Variants in HNRNPK observed in about 807,000 individuals in gnomAD.
The protein encoded by HNRNPK is heterogeneous nuclear ribonucleoprotein K.
Under a neutral mutation model 67.0 loss-of-function variants are expected in HNRNPK, and 7 were observed. The observed-to-expected ratio is 0.10, with a 90% CI of 0.06 to 0.20. The LOEUF (loss-of-function observed/expected upper bound fraction) is 0.20, where lower values mean the gene tolerates loss of function less well. Ranked by LOEUF, HNRNPK falls within the 10% of genes least tolerant of loss-of-function variation. The pLI, the probability that HNRNPK is intolerant of heterozygous loss-of-function variation, is 1.00. For missense variants in HNRNPK, 264 were observed against 606.5 expected, an observed-to-expected ratio of 0.44 and a Z score of 5.93; for synonymous variants, 213 against 193.7, an observed-to-expected ratio of 1.10 and a Z score of -0.83.
chr9:83,969,604 T>G, intron 16 of HNRNPK, 164 bp from the exon 17 acceptor site: 1 of 629,002 alleles, frequency 1.6e-6, no homozygotes, highest in Non-Finnish European at 2.9e-6. Flanking sequence ...ATGTTAAGTG[T>G]CAAGAAAAAT....
In HNRNPK at chr9:83,972,847, A is replaced by G. The variant is rs1202941838; in HGVS notation, c.642T>C (p.Ser214=). ...ECIKIILDLI[S]ESPIKGRAQP... ...AACAAAAAGTGTTCTGAAGTACCTC[A>G]GATATAAGATCAAGGATGATCTTTA... is the stretch of plus-strand genomic sequence containing the variant. Residue 214 remains serine (S), a synonymous_variant, in exon 10 of 17, where the codon TCT becomes TCC. Transcript: ENST00000376263. 53 of 1,593,470 alleles carry G rather than the reference A, an allele frequency of 3.3e-5. No homozygotes were observed. The highest frequency in any genetic ancestry group is 3.7e-5 in the Non-Finnish European group (44 of 1,173,502).
rs888043496 is a variant in HNRNPK at position 83,968,540 on chromosome 9, G to C, written c.*867C>G. 6.6e-6 allele frequency: 1 copy of C among 152,458 alleles called. No individual in the cohort carries two copies. The highest frequency in any genetic ancestry group is 2.4e-5 in the African/African-American group (1 of 41,428). The allele number at this position is 152,458 out of a possible 1,614,324, so 9.4% of individuals were successfully genotyped here. The stretch of plus-strand genomic sequence containing the variant: ...GATTAATAAAACTTGCTGCCAATCA[G>C]AATTCTGGTATATACTCATACCATT... On this transcript the variant is annotated 3_prime_UTR_variant, in exon 17 of 17. Coordinates refer to ENST00000376263, the MANE Select transcript of HNRNPK (RefSeq NM_031263.4).
At chr9:83,974,838 A>G (rs1206889882) in intron 6 of HNRNPK, among the ~76,000 whole-genome samples, 1 of 152,222 alleles carries the variant, frequency 6.6e-6, no homozygotes, top group Non-Finnish European at 1.5e-5. Flanking sequence ...GGCTCAGATT[A>G]AGTGGGCAAT....
Position 83,973,357 on chromosome 9 carries a change from G to A in HNRNPK, c.445C>T (p.Leu149=), listed in dbSNP as rs1956941669. 1 of 1,610,482 alleles carries A rather than the reference G, an allele frequency of 6.2e-7. No individual in the cohort carries two copies. The highest frequency in any genetic ancestry group is 8.5e-7 in the Non-Finnish European group (1 of 1,177,190). Residue 149 remains leucine (L), a synonymous_variant, in exon 9 of 17, where the codon CTG becomes TTG. Coordinates refer to ENST00000376263, the MANE Select transcript of HNRNPK (RefSeq NM_031263.4). The stretch of plus-strand genomic sequence containing the variant: ...CCTGCTAGACTCTGATGAATCAACA[G>A]CCTCAACTCGCAGTCAAAGTCACTT... ...KGSDFDCELR[L]LIHQSLAGGI...
At chr9:83,975,431 A>C in intron 6 of HNRNPK, 31 bp downstream of exon 6, 1 of 1,599,818 alleles carries the variant, frequency 6.3e-7, no homozygotes, top group Non-Finnish European at 8.6e-7. Context: ...CTTTCTAATC[A>C]GGCAGTGAGG....
chr9:83,969,587 T>C (rs1363361989), intron 16 of HNRNPK, 147 bp from the exon 17 acceptor site: 1 of 644,934 alleles, frequency 1.6e-6, no homozygotes, highest in Non-Finnish European at 2.8e-6. Context: ...AATTACAAAT[T>C]AAAGCAATGT....
rs915565117 is a variant in HNRNPK, at chr9:83,977,801, T to A, written c.59-15A>T. 1.0e-5 allele frequency: 15 copies of A among 1,499,100 alleles called. No homozygotes were observed. Among genetic ancestry groups the A allele is most frequent in the Admixed American group, 7.0e-5 (4 of 57,470 alleles). 92.9% of individuals were successfully genotyped at this position (1,499,100 alleles called of 1,614,324 possible). A position where few individuals can be genotyped will look rare whatever the true frequency, so the allele number is the denominator to read the frequency against. On this transcript the variant is annotated splice_polypyrimidine_tract_variant and intron_variant, in intron 3 of 16. Transcript: ENST00000376263. Reference sequence around the variant, plus strand: ...AGGGCGTTTACCTAAAAATTAACAGTTCACATTTCAAAGAAAGCAGCGAAG... The same window carrying A: ...AGGGCGTTTACCTAAAAATTAACAGATCACATTTCAAAGAAAGCAGCGAAG...
In HNRNPK at chr9:83,975,521, G is replaced by A; in HGVS notation, c.214-16C>T. ...TGGCATTGTACTGCATTGGTCATTG[G>A]CGTTCGTGGATGTTGGCATTGGGCA... is the stretch of plus-strand genomic sequence containing the variant. On this transcript the variant is annotated splice_polypyrimidine_tract_variant and intron_variant, in intron 5 of 16. Transcript: ENST00000376263. The A allele has an allele frequency of 1.9e-6, 3 of 1,609,152 alleles. No homozygotes were observed. The highest frequency in any genetic ancestry group is 2.6e-6 in the Non-Finnish European group (3 of 1,175,506).
intron 6 of HNRNPK, 158 bp downstream of exon 6, chr9:83,975,303 AG>A (rs1169848931): frequency 1.5e-6 from 1 of 672,962 alleles, no homozygotes; most frequent in Non-Finnish European, 2.6e-6. Flanking sequence ...TCACGGTAAA[AG>A]TTCAGTGACA....
chr9:83,970,661 G>A, intron 15 of HNRNPK, 76 bp downstream of exon 15: 1 of 1,031,814 alleles, frequency 9.7e-7, no homozygotes, highest in Non-Finnish European at 1.5e-6. Context: ...AAAACCTTCT[G>A]AATTAAAAAA....
intron 7 of HNRNPK, 22 bp downstream of exon 7, chr9:83,974,495 A>G (rs375834782): frequency 2.2e-4 from 281 of 1,253,234 alleles, no homozygotes; most frequent in Admixed American, 8.8e-4. Context: ...TGTCAAATAC[A>G]TTTAAAAAAA....
At position 83,968,593 on chromosome 9, in the gene HNRNPK, T is replaced by C. The variant is rs1025145949; in HGVS notation, c.*814A>G. The C allele has an allele frequency of 6.6e-6, 1 of 152,590 alleles. No homozygotes were observed. The highest frequency in any genetic ancestry group is 1.5e-5 in the Non-Finnish European group (1 of 68,046). 9.5% of individuals were successfully genotyped at this position (152,590 alleles called of 1,614,324 possible). Reference sequence around the variant, plus strand: ...TCAACTTGTAGTACTGCTCCCCACCTTAGTTCTTCACAACTAACATAGAAA... The same window carrying C: ...TCAACTTGTAGTACTGCTCCCCACCCTAGTTCTTCACAACTAACATAGAAA... On this transcript the variant is annotated 3_prime_UTR_variant, in exon 17 of 17. Coordinates refer to ENST00000376263, the MANE Select transcript of HNRNPK (RefSeq NM_031263.4).
rs369226408 is a variant in HNRNPK, at chr9:83,969,725, T to C, written c.1362-285A>G. 63 of 637,380 alleles carry C rather than the reference T, an allele frequency of 9.9e-5. No individual in the cohort carries two copies. The African/African-American group carries it at 1.0e-3, about 10-fold the overall frequency. 39.5% of individuals were successfully genotyped at this position (637,380 alleles called of 1,614,324 possible). On this transcript the variant is annotated intron_variant, in intron 16 of 16. Coordinates refer to ENST00000376263, the MANE Select transcript of HNRNPK (RefSeq NM_031263.4). ...TGCTAGTAAGGTGTGAAATGCTGCA[T>C]TTTACAGCACCAATCATTTGTCCTG...
chr9:83,970,954 G>C, intron 13 of HNRNPK, 42 bp from the exon 14 acceptor site: 1 of 1,585,958 alleles, frequency 6.3e-7, no homozygotes, highest in Non-Finnish European at 8.7e-7. Context: ...CTTTGCCGTT[G>C]TAATTACTAC....
At position 83,971,661 on chromosome 9, in the gene HNRNPK, A is replaced by G. The variant is rs747882470; in HGVS notation, c.1008+11T>C. On this transcript the variant is annotated intron_variant, in intron 12 of 16. Coordinates refer to ENST00000376263, the MANE Select transcript of HNRNPK (RefSeq NM_031263.4). ...ATACCCAACACACTGGTAATAAACC[A>G]AAGTTCTTACCATGCCGTCGTAACG... is the stretch of plus-strand genomic sequence containing the variant. 6 of 1,608,360 alleles carry G rather than the reference A, an allele frequency of 3.7e-6. No homozygotes were observed. The East Asian group carries it at 1.3e-4, about 36-fold the overall frequency.
intron 1 of HNRNPK, among the ~76,000 whole-genome samples, chr9:83,979,223 A>G (rs1011296898): frequency 1.3e-5 from 2 of 152,220 alleles, no homozygotes; most frequent in African/African-American, 4.8e-5. Flanking sequence ...TTGGCTAGAC[A>G]GCAAAGAGCC....
intron 8 of HNRNPK, 83 bp from the exon 9 acceptor site, chr9:83,973,482 T>C (rs1956947310): frequency 6.1e-6 from 5 of 822,060 alleles, no homozygotes; most frequent in Admixed American, 1.9e-5. Context: ...ATAACAATAA[T>C]ATACTGTTGC....
At chr9:83,970,551 T>C (rs1266995694) in intron 15 of HNRNPK, 186 bp downstream of exon 15, 1 of 642,442 alleles carries the variant, frequency 1.6e-6, no homozygotes, top group Non-Finnish European at 2.7e-6. Flanking sequence ...TTAACTACTT[T>C]TATTAATAGC....
At chr9:83,979,454 G>A (rs1308835601) in intron 1 of HNRNPK, among the ~76,000 whole-genome samples, 2 of 152,210 alleles carry the variant, frequency 1.3e-5, no homozygotes, top group Non-Finnish European at 2.9e-5. Flanking sequence ...GCAGTCACTA[G>A]TCCCCAGGCC....
Sources: allele counts gnomAD v4.1 joint callset (sites outside exome capture counted in the v4.1 genomes callset), GRCh38; gene constraint gnomAD v4.1.1; transcripts MANE v1.5; gene names NCBI Gene and HGNC (gene_info 2026-07-23, HGNC 2026-07-21).